The following POLR3B variants were observed in gnomAD, a reference collection of about 807,000 sequenced individuals.
POLR3B encodes the protein DNA-directed RNA polymerase III subunit RPC2.
POLR3B carries 96 observed loss-of-function variants against 147.4 expected under a neutral mutation model. The observed-to-expected ratio is 0.65, with a 90% confidence interval of 0.55 to 0.77. POLR3B has a LOEUF of 0.77. Among genes scored for constraint, POLR3B ranks in the 30% least tolerant of loss-of-function variants. The pLI, the probability that POLR3B is intolerant of heterozygous loss-of-function variation, is 0.00. For synonymous variants in POLR3B, 461 were observed against 485.9 expected (o/e 0.95, Z 0.67); for missense variants, 1,036 against 1,413.5 (o/e 0.73, Z 4.28).
chr12:106,498,643 G>A (rs1467146894), intron 25 of POLR3B, among the ~76,000 whole-genome samples: 6 of 151,616 alleles, frequency 4.0e-5, no homozygotes, highest in Non-Finnish European at 8.8e-5. Flanking sequence ...ATGCAATGGC[G>A]CTGTCTCAGC....
At chr12:106,490,090 A>G (rs1269383252) in intron 23 of POLR3B, among the ~76,000 whole-genome samples, 1 of 152,174 alleles carries the variant, frequency 6.6e-6, no homozygotes, top group Non-Finnish European at 1.5e-5. Context: ...TTTAGGAACA[A>G]ATTTTGGTCT....
intron 1 of POLR3B, among the ~76,000 whole-genome samples, chr12:106,361,697 G>A (rs961631089): frequency 4.6e-5 from 7 of 152,190 alleles, no homozygotes; most frequent in African/African-American, 1.7e-4. Context: ...AAACAGTGTT[G>A]TTTGAAATCC....
chr12:106,442,519 A>C (rs2037665830), intron 18 of POLR3B, among the ~76,000 whole-genome samples: 1 of 152,098 alleles, frequency 6.6e-6, no homozygotes, highest in Non-Finnish European at 1.5e-5. Flanking sequence ...GTCTGAGAGG[A>C]TTGGGGTTCT....
At chr12:106,466,022 C>T (rs542111785) in intron 23 of POLR3B, among the ~76,000 whole-genome samples, 3 of 152,258 alleles carry the variant, frequency 2.0e-5, no homozygotes, top group African/African-American at 2.4e-5. Context: ...CTTGAGGAAT[C>T]GCCACACTGT....
At chr12:106,495,882 ACT>A in intron 23 of POLR3B, 171 bp from the exon 24 acceptor site, 1 of 714,428 alleles carries the variant, frequency 1.4e-6, no homozygotes, top group Non-Finnish European at 2.6e-6. Flanking sequence ...TCGTTTTTGA[ACT>A]GTTTGTCAAG....
intron 23 of POLR3B, among the ~76,000 whole-genome samples, chr12:106,494,239 CTCCT>C (rs2038444338): frequency 6.6e-6 from 1 of 152,184 alleles, no homozygotes; most frequent in Non-Finnish European, 1.5e-5. Flanking sequence ...AGTCATCTCT[CTCCT>C]TACCCACCCC....
At chr12:106,494,042 A>G (rs977388178) in intron 23 of POLR3B, among the ~76,000 whole-genome samples, 2 of 152,214 alleles carry the variant, frequency 1.3e-5, no homozygotes, top group Admixed American at 1.3e-4. Flanking sequence ...AAATGTCAGA[A>G]GAGGGCTGAT....
chr12:106,455,342 C>T (rs1219304919), intron 20 of POLR3B, among the ~76,000 whole-genome samples: 1 of 152,170 alleles, frequency 6.6e-6, no homozygotes, highest in Admixed American at 6.5e-5. Context: ...GGCGTACCCA[C>T]TATGCCTTCC....
chr12:106,448,193 G>A (rs2037747554), intron 19 of POLR3B, among the ~76,000 whole-genome samples: 2 of 151,816 alleles, frequency 1.3e-5, no homozygotes, highest in African/African-American at 4.8e-5. Flanking sequence ...AGCTATTTTA[G>A]GTTTAAGCTT....
intron 15 of POLR3B, among the ~76,000 whole-genome samples, chr12:106,433,383 C>A (rs2137004857): frequency 6.6e-6 from 1 of 152,292 alleles, no homozygotes; most frequent in Non-Finnish European, 1.5e-5. Context: ...AAATGATCAG[C>A]TCGTTTAACC....
chr12:106,459,558 G>A (rs2037908925), intron 22 of POLR3B, among the ~76,000 whole-genome samples, 190 bp downstream of exon 22: 1 of 152,158 alleles, frequency 6.6e-6, no homozygotes, highest in Admixed American at 6.5e-5. Context: ...CCCTAAACTG[G>A]GTTTGAGGTG....
At chr12:106,400,482 A>AC (rs1361954060) in intron 10 of POLR3B, among the ~76,000 whole-genome samples, 1 of 152,236 alleles carries the variant, frequency 6.6e-6, no homozygotes, top group African/African-American at 2.4e-5. Context: ...GACCTAATAG[A>AC]CATCTACAGA....
At chr12:106,387,158 A>G (rs2036851589) in intron 9 of POLR3B, among the ~76,000 whole-genome samples, 1 of 152,166 alleles carries the variant, frequency 6.6e-6, no homozygotes, top group African/African-American at 2.4e-5. Flanking sequence ...TTTTGGATAT[A>G]TTTTTCCAGA....
intron 9 of POLR3B, among the ~76,000 whole-genome samples, chr12:106,384,862 CTT>C (rs1013818902): frequency 6.7e-6 from 1 of 148,312 alleles, no homozygotes; most frequent in Non-Finnish European, 1.5e-5. Context: ...GCGTTTCGCT[CTT>C]TCACCCAGGC....
In POLR3B at chr12:106,371,632, C is replaced by T. The variant is rs1243961497; in HGVS notation, c.404+1949C>T. On this transcript the variant is annotated intron_variant, in intron 6 of 27. Transcript: ENST00000228347. ...CCATAAAAAATGATGAGTTCATGTC[C>T]TTTGTAGGGACATGGATGAAAATGG... Among the ~76,000 whole-genome samples the T allele has an allele frequency of 1.0e-4, 14 of 140,604 alleles. 3 individuals are homozygous for T. The Middle Eastern group carries it at 0.022, about 220-fold the overall frequency. The allele number at this position is 140,604 out of a possible 152,430, so 92.2% of individuals were successfully genotyped here.
At chr12:106,488,036 AG>A (rs775833080) in intron 23 of POLR3B, among the ~76,000 whole-genome samples, 17 of 152,230 alleles carry the variant, frequency 1.1e-4, no homozygotes, top group Non-Finnish European at 2.2e-4. Flanking sequence ...AAAGTGGAGG[AG>A]GACTAAGCAG....
At chr12:106,358,931 A>G (rs144941934) in intron 1 of POLR3B, among the ~76,000 whole-genome samples, 79 of 152,342 alleles carry the variant, frequency 5.2e-4, no homozygotes, top group African/African-American at 1.8e-3. Flanking sequence ...TCGGATTATA[A>G]GAACCTCCTT....
intron 23 of POLR3B, among the ~76,000 whole-genome samples, chr12:106,468,348 C>T (rs919884334): frequency 2.6e-5 from 4 of 151,962 alleles, no homozygotes; most frequent in African/African-American, 7.3e-5. Context: ...CTCTTTTCTT[C>T]GTATTAGTCT....
chr12:106,435,326 G>T (rs944052918), intron 16 of POLR3B, among the ~76,000 whole-genome samples: 12 of 147,332 alleles, frequency 8.1e-5, no homozygotes, highest in African/African-American at 2.8e-4. Context: ...TGTATTATTA[G>T]TAGTGATGGG....
Sources: gnomAD v4.1 joint callset for allele counts (sites outside exome capture counted in the v4.1 genomes callset) on GRCh38, gnomAD v4.1.1 for gene constraint, MANE v1.5 for transcripts, NCBI Gene and HGNC (gene_info 2026-07-23, HGNC 2026-07-21) for gene names.